TECRL: variants seen among roughly 807,000 people sequenced by gnomAD.
TECRL encodes trans-2,3-enoyl-CoA reductase-like.
In TECRL, 63 loss-of-function variants were observed where a neutral mutation model predicts 52.8. The observed-to-expected ratio is 1.19, with a 90% CI of 0.97 to 1.47. The LOEUF (loss-of-function observed/expected upper bound fraction) is 1.47. TECRL is among the 40% of genes most tolerant of loss of function. The probability of loss-of-function intolerance (pLI) is 0.00; values close to 1 mark genes in which losing one functional copy is unlikely to be tolerated. For missense variants in TECRL, 482 were observed against 429.6 expected (o/e 1.12, Z -1.08); for synonymous variants, 164 against 141.9 (o/e 1.16, Z -1.10).
At chr4:64,324,548 C>G (rs1387019076) in intron 3 of TECRL, among the ~76,000 whole-genome samples, 1 of 151,754 alleles carries the variant, frequency 6.6e-6, no homozygotes, top group Non-Finnish European at 1.5e-5. Flanking sequence ...TCCAAGATAT[C>G]TGCTTATATT....
intron 2 of TECRL, among the ~76,000 whole-genome samples, chr4:64,337,432 T>C (rs546811544): frequency 2.6e-5 from 4 of 152,228 alleles, no homozygotes; most frequent in Non-Finnish European, 4.4e-5. Context: ...GCCAGGGCAA[T>C]TAGGCAGGAG....
intron 7 of TECRL, among the ~76,000 whole-genome samples, chr4:64,300,586 T>G (rs1723959724): frequency 6.6e-6 from 1 of 150,950 alleles, no homozygotes; most frequent in Admixed American, 6.6e-5. Flanking sequence ...AAGGCAGGGT[T>G]GCTCACTGTG....
At chr4:64,349,319 G>T (rs1172807627) in intron 2 of TECRL, among the ~76,000 whole-genome samples, 1 of 151,848 alleles carries the variant, frequency 6.6e-6, no homozygotes, top group Non-Finnish European at 1.5e-5. Flanking sequence ...TTTTAGTAGA[G>T]ATGGGGTTTC....
chr4:64,308,993 G>T lies in TECRL; in HGVS notation c.657+833C>A, dbSNP rs997062398. 3.3e-5 allele frequency among the ~76,000 whole-genome samples: 5 copies of T among 152,040 alleles called. No homozygotes were observed. In the East Asian group the frequency reaches 5.8e-4, roughly 18 times the overall value. On this transcript the variant is annotated intron_variant, in intron 6 of 11. Coordinates refer to ENST00000381210, the MANE Select transcript of TECRL (RefSeq NM_001010874.5). ...TTAAAAAATAAATTATTTGATAATT[G>T]GTAGTAACACATGTTGATTGACTGG...
At chr4:64,324,998 G>T (rs983472655) in intron 3 of TECRL, among the ~76,000 whole-genome samples, 5 of 152,112 alleles carry the variant, frequency 3.3e-5, no homozygotes, top group Non-Finnish European at 5.9e-5. Context: ...AGGTAGTCCT[G>T]ATTTATTGCA....
chr4:64,277,004 G>T (rs1387613618), downstream of TECRL: 6 of 1,478,868 alleles, frequency 4.1e-6, no homozygotes, highest in Admixed American at 2.0e-5. Context: ...ACAAGATGGT[G>T]TAAATTTGTC....
intron 1 of TECRL, among the ~76,000 whole-genome samples, chr4:64,395,005 G>A (rs1008611635): frequency 1.0e-4 from 15 of 147,772 alleles, no homozygotes; most frequent in Middle Eastern, 3.4e-3. Flanking sequence ...CTTTGTCTCC[G>A]GGGTTCAAAT....
intron 1 of TECRL, among the ~76,000 whole-genome samples, chr4:64,394,194 A>G (rs1723754375): frequency 6.6e-6 from 1 of 152,170 alleles, no homozygotes; most frequent in Non-Finnish European, 1.5e-5. Flanking sequence ...ATGACCTGCT[A>G]TGTATAGTGA....
At chr4:64,394,451 T>C (rs894374797) in intron 1 of TECRL, among the ~76,000 whole-genome samples, 1 of 152,174 alleles carries the variant, frequency 6.6e-6, no homozygotes, top group African/African-American at 2.4e-5. Flanking sequence ...CCACAGACTT[T>C]AATGTAGAAA....
At chr4:64,303,663 A>G (rs953114424) in intron 7 of TECRL, among the ~76,000 whole-genome samples, 1 of 151,806 alleles carries the variant, frequency 6.6e-6, no homozygotes, top group Non-Finnish European at 1.5e-5. Context: ...ACCATTTAGC[A>G]TTTACCTAAT....
intron 9 of TECRL, among the ~76,000 whole-genome samples, chr4:64,286,948 A>G (rs536749034): frequency 2.0e-5 from 3 of 152,256 alleles, no homozygotes; most frequent in Admixed American, 6.6e-5. Flanking sequence ...ATTTTATTAG[A>G]TTATATTGTG....
chr4:64,290,504 G>T (rs1443447621), intron 8 of TECRL, among the ~76,000 whole-genome samples: 2 of 152,156 alleles, frequency 1.3e-5, no homozygotes, highest in Non-Finnish European at 2.9e-5. Context: ...ATTCAAAATT[G>T]TTATTGTTTG....
At chr4:64,402,294 G>A (rs909138501) in intron 1 of TECRL, among the ~76,000 whole-genome samples, 1 of 151,860 alleles carries the variant, frequency 6.6e-6, no homozygotes, top group Middle Eastern at 3.4e-3. Flanking sequence ...TTTTGTCATG[G>A]ACTGATACAT....
At chr4:64,403,196 G>C (rs977770538) in intron 1 of TECRL, among the ~76,000 whole-genome samples, 16 of 151,688 alleles carry the variant, frequency 1.1e-4, no homozygotes, top group Non-Finnish European at 2.1e-4. Flanking sequence ...TCATTACATT[G>C]TTCTTTACAA....
At chr4:64,336,487 T>G (rs1458371952) in intron 2 of TECRL, among the ~76,000 whole-genome samples, 1 of 152,092 alleles carries the variant, frequency 6.6e-6, no homozygotes, top group African/African-American at 2.4e-5. Context: ...TTTTGAAGGG[T>G]TTTTTGTGTC....
At chr4:64,307,017 T>C (rs1490997590) in intron 6 of TECRL, among the ~76,000 whole-genome samples, 1 of 152,170 alleles carries the variant, frequency 6.6e-6, no homozygotes, top group Non-Finnish European at 1.5e-5. Context: ...AATTCCCTGG[T>C]TACTAGCACA....
chr4:64,374,169 C>G (rs1348390802), intron 2 of TECRL, among the ~76,000 whole-genome samples: 1 of 148,234 alleles, frequency 6.7e-6, no homozygotes, highest in Non-Finnish European at 1.5e-5. Context: ...GACTTTATAG[C>G]AAAATAAAAA....
At chr4:64,360,649 A>G (rs1721114532) in intron 2 of TECRL, among the ~76,000 whole-genome samples, 1 of 152,148 alleles carries the variant, frequency 6.6e-6, no homozygotes, top group South Asian at 2.1e-4. Flanking sequence ...GAGTATGGAC[A>G]GAGGGAGGAC....
chr4:64,317,160 C>T (rs896814345), intron 4 of TECRL, among the ~76,000 whole-genome samples: 25 of 152,090 alleles, frequency 1.6e-4, no homozygotes, highest in Admixed American at 1.6e-3. Flanking sequence ...TGCCTGGAAT[C>T]CCAGCTACTC....
Sources: gnomAD v4.1 joint callset for allele counts (sites outside exome capture counted in the v4.1 genomes callset) on GRCh38, gnomAD v4.1.1 for gene constraint, MANE v1.5 for transcripts, NCBI Gene and HGNC (gene_info 2026-07-23, HGNC 2026-07-21) for gene names.